STX8: variants seen among roughly 807,000 people sequenced by gnomAD.
STX8 encodes syntaxin 8.
STX8 carries 23 observed loss-of-function variants against 37.5 expected under a neutral mutation model. The observed-to-expected ratio is 0.61, with a 90% confidence interval of 0.44 to 0.87. STX8 has a LOEUF of 0.87. Ranked by LOEUF, STX8 falls within the 40% of genes least tolerant of loss-of-function variation. STX8 has a pLI of 0.00. For missense variants in STX8, 313 were observed against 284.7 expected (o/e 1.10, Z -0.71); for synonymous variants, 115 against 99.1 (o/e 1.16, Z -0.95).
At chr17:9,259,320 G>A (rs139137934) in intron 7 of STX8, among the ~76,000 whole-genome samples, 3 of 152,206 alleles carry the variant, frequency 2.0e-5, no homozygotes, top group Non-Finnish European at 4.4e-5. Context: ...ATTACTCCTC[G>A]TAATAATTAC....
chr17:9,315,325 T>G (rs1909348542), intron 7 of STX8, among the ~76,000 whole-genome samples: 1 of 150,536 alleles, frequency 6.6e-6, no homozygotes, highest in East Asian at 1.9e-4. Context: ...CTTTTGAGAC[T>G]TGCTCCACTG....
At chr17:9,560,502 T>G (rs1760569546) in intron 2 of STX8, among the ~76,000 whole-genome samples, 1 of 151,800 alleles carries the variant, frequency 6.6e-6, no homozygotes, top group Non-Finnish European at 1.5e-5. Flanking sequence ...TAGGGAGAGT[T>G]TTTTAAATTG....
intron 6 of STX8, among the ~76,000 whole-genome samples, chr17:9,472,863 C>A (rs1905931515): frequency 6.6e-6 from 1 of 152,154 alleles, no homozygotes; most frequent in Non-Finnish European, 1.5e-5. Flanking sequence ...GGCTTCTCAG[C>A]CTGGCTGCGT....
rs577333720 is a variant in STX8, at chr17:9,293,891, ACCTG to A, written c.644-43250_644-43247del. Reference sequence around the variant, plus strand: ...ATTCTGCTGTCTCAGCCTCCCAAGTACCTGGGACTACAGGCACCCGCCACCACGC... The same window carrying A: ...ATTCTGCTGTCTCAGCCTCCCAAGTAGGACTACAGGCACCCGCCACCACGC... On this transcript the variant is annotated intron_variant, in intron 7 of 7. Transcript: ENST00000306357. Among the ~76,000 whole-genome samples, 7 of 151,198 alleles carry A rather than the reference ACCTG, an allele frequency of 4.6e-5. No individual in the cohort carries two copies. The East Asian group carries it at 9.8e-4, about 21-fold the overall frequency.
intron 6 of STX8, among the ~76,000 whole-genome samples, chr17:9,462,649 G>A (rs909060616): frequency 2.6e-5 from 4 of 151,574 alleles, no homozygotes; most frequent in Non-Finnish European, 4.4e-5. Context: ...CTTGAACCTG[G>A]AAGGTGGAGG....
intron 4 of STX8, among the ~76,000 whole-genome samples, chr17:9,534,819 T>C (rs1160078447): frequency 6.6e-6 from 1 of 151,890 alleles, no homozygotes; most frequent in Non-Finnish European, 1.5e-5. Flanking sequence ...AAAAAGAAGT[T>C]TAATGGCAGA....
intron 6 of STX8, among the ~76,000 whole-genome samples, chr17:9,473,647 A>G (rs1310467152): frequency 6.6e-6 from 1 of 152,040 alleles, no homozygotes; most frequent in Non-Finnish European, 1.5e-5. Flanking sequence ...TTCAGTGCAG[A>G]TTCAACCATC....
At chr17:9,477,349 G>C (rs1906146526) in intron 6 of STX8, among the ~76,000 whole-genome samples, 1 of 152,130 alleles carries the variant, frequency 6.6e-6, no homozygotes, top group African/African-American at 2.4e-5. Context: ...GCATAAAAGA[G>C]AAAGACTAAG....
intron 1 of STX8, among the ~76,000 whole-genome samples, chr17:9,570,934 A>G (rs1208556374): frequency 2.0e-5 from 3 of 152,220 alleles, no homozygotes; most frequent in Non-Finnish European, 4.4e-5. Context: ...TTCTAGACTT[A>G]GTGAAAGACA....
At chr17:9,480,765 C>T (rs562002938) in intron 6 of STX8, among the ~76,000 whole-genome samples, 36 of 152,314 alleles carry the variant, frequency 2.4e-4, no homozygotes, top group African/African-American at 8.2e-4. Context: ...ATAAAGAAAA[C>T]CTGAATTCAG....
intron 7 of STX8, among the ~76,000 whole-genome samples, chr17:9,369,903 AAAAAAAAG>A (rs1322155739): frequency 6.7e-6 from 1 of 148,436 alleles, no homozygotes; most frequent in Non-Finnish European, 1.5e-5. Flanking sequence ...AAAAAAAAAA[AAAAAAAAG>A]AAAGAAAAAA....
At chr17:9,356,635 G>T (rs962210741) in intron 7 of STX8, among the ~76,000 whole-genome samples, 3 of 152,196 alleles carry the variant, frequency 2.0e-5, no homozygotes, top group Non-Finnish European at 4.4e-5. Flanking sequence ...AGAGGGGTGA[G>T]GCTGTTCCTC....
chr17:9,402,701 C>T (rs953529995), intron 6 of STX8, among the ~76,000 whole-genome samples: 1 of 149,388 alleles, frequency 6.7e-6, no homozygotes, highest in Non-Finnish European at 1.5e-5. Context: ...ATTCACCCTT[C>T]AATACCTACT....
chr17:9,286,408 T>TA (rs1908072887), intron 7 of STX8, among the ~76,000 whole-genome samples: 1 of 152,150 alleles, frequency 6.6e-6, no homozygotes, highest in African/African-American at 2.4e-5. Flanking sequence ...TACAAAAAAA[T>TA]ATTGTCTTGA....
intron 6 of STX8, among the ~76,000 whole-genome samples, chr17:9,388,800 T>C (rs1912106081): frequency 7.5e-6 from 1 of 133,250 alleles, no homozygotes; most frequent in African/African-American, 3.1e-5. Context: ...CAAAACTCTG[T>C]CTCAAAAAAA....
At chr17:9,557,396 C>A in intron 3 of STX8, 38 bp downstream of exon 3, 1 of 1,549,336 alleles carries the variant, frequency 6.5e-7, no homozygotes, top group South Asian at 1.1e-5. Context: ...GCTTTTCCTC[C>A]CACTCTAGAA....
chr17:9,553,399 T>C (rs1906843620), intron 3 of STX8: 1 of 152,204 alleles, frequency 6.6e-6, no homozygotes, highest in South Asian at 2.1e-4. Flanking sequence ...CATGCCTTAA[T>C]TCCATGAATT....
chr17:9,266,538 C>T (rs947104621), intron 7 of STX8, among the ~76,000 whole-genome samples: 3 of 152,100 alleles, frequency 2.0e-5, no homozygotes, highest in Non-Finnish European at 4.4e-5. Context: ...AGCCAGGTCA[C>T]GGTGGTGGAA....
chr17:9,256,294 C>T (rs59332318), intron 7 of STX8, among the ~76,000 whole-genome samples: 2,888 of 152,266 alleles, frequency 0.019, 88 homozygotes, highest in African/African-American at 0.065. Context: ...CATCCTGATT[C>T]GAGACAGTGT....
Sources: gnomAD v4.1 joint callset for allele counts (sites outside exome capture counted in the v4.1 genomes callset) on GRCh38, gnomAD v4.1.1 for gene constraint, MANE v1.5 for transcripts, NCBI Gene and HGNC (gene_info 2026-07-23, HGNC 2026-07-21) for gene names.